The following EPHA6 variants were observed in gnomAD, a reference collection of about 807,000 sequenced individuals.
EPHA6 encodes EPH receptor A6.
A neutral mutation model predicts 112.0 loss-of-function variants in EPHA6; 50 were observed. That is an observed-to-expected ratio of 0.45 (90% confidence interval 0.36 to 0.56). The LOEUF is 0.56. Ranked by LOEUF, EPHA6 falls within the 20% of genes least tolerant of loss-of-function variation. EPHA6 has a pLI of 0.00. For synonymous variants in EPHA6, 529 were observed against 490.7 expected (o/e 1.08, Z -1.03); for missense variants, 1,280 against 1,417.4 (o/e 0.90, Z 1.56).
chr3:96,848,671 T>C (rs1387005162), intron 1 of EPHA6, among the ~76,000 whole-genome samples: 1 of 152,124 alleles, frequency 6.6e-6, no homozygotes, highest in Non-Finnish European at 1.5e-5. Flanking sequence ...ATTTGAAAAT[T>C]TGATTATATA....
chr3:97,550,884 G>C lies in EPHA6; in HGVS notation c.2386+18341G>C, dbSNP rs549092262. Among the ~76,000 whole-genome samples, 7 of 151,666 alleles carry C rather than the reference G, an allele frequency of 4.6e-5. No individual in the cohort carries two copies. In the South Asian group the frequency reaches 1.3e-3, roughly 27 times the overall value. On this transcript the variant is annotated intron_variant, in intron 11 of 17. Coordinates refer to ENST00000389672, the MANE Select transcript of EPHA6 (RefSeq NM_001080448.3). ...CAATAAAAGACAAAAAGGAAGGAAAGGAGAGGAAAAGAGTGAAAAGAAAGG... is the reference window on the plus strand; with the variant it reads ...CAATAAAAGACAAAAAGGAAGGAAACGAGAGGAAAAGAGTGAAAAGAAAGG...
intron 13 of EPHA6, among the ~76,000 whole-genome samples, chr3:97,620,937 C>T (rs1046959127): frequency 5.3e-5 from 8 of 151,968 alleles, no homozygotes; most frequent in Admixed American, 1.3e-4. Flanking sequence ...GAATAGAAAT[C>T]GTTCTATTAT....
chr3:97,535,049 GACAC>G (rs3033947), intron 11 of EPHA6, among the ~76,000 whole-genome samples: 15 of 150,164 alleles, frequency 1.0e-4, no homozygotes, highest in Middle Eastern at 3.4e-3. Context: ...CTCAATCACA[GACAC>G]ACACACACAC....
chr3:97,018,744 G>A (rs566517307), intron 3 of EPHA6, among the ~76,000 whole-genome samples: 1 of 152,198 alleles, frequency 6.6e-6, no homozygotes, highest in Non-Finnish European at 1.5e-5. Context: ...CCGCAAGCGA[G>A]CTTGACTAAT....
intron 5 of EPHA6, among the ~76,000 whole-genome samples, chr3:97,357,957 C>T (rs2084169655): frequency 6.6e-6 from 1 of 152,068 alleles, no homozygotes; most frequent in South Asian, 2.1e-4. Context: ...GATGGTCTTG[C>T]TGTCTTAGGC....
chr3:96,891,260 GA>G (rs201239387), intron 2 of EPHA6, among the ~76,000 whole-genome samples: 4 of 151,696 alleles, frequency 2.6e-5, no homozygotes, highest in South Asian at 2.1e-4. Context: ...CAAAGAAACT[GA>G]AAAAAAATCT....
At chr3:97,390,377 C>T (rs767595073) in intron 5 of EPHA6, among the ~76,000 whole-genome samples, 10 of 151,918 alleles carry the variant, frequency 6.6e-5, no homozygotes, top group South Asian at 6.2e-4. Context: ...AGTATGAGCA[C>T]GTTCTCCCTT....
chr3:97,344,151 A>T (rs2083435734), intron 5 of EPHA6, among the ~76,000 whole-genome samples: 1 of 152,082 alleles, frequency 6.6e-6, no homozygotes, highest in South Asian at 2.1e-4. Flanking sequence ...TCTGATTTAG[A>T]TGATATTTAA....
At chr3:97,655,782 G>A (rs1402391641) in intron 14 of EPHA6, among the ~76,000 whole-genome samples, 2 of 150,520 alleles carry the variant, frequency 1.3e-5, no homozygotes, top group Non-Finnish European at 3.0e-5. Flanking sequence ...GGGAGGGATA[G>A]CATTAGGAGA....
At chr3:97,349,380 T>C (rs1419338163) in intron 5 of EPHA6, among the ~76,000 whole-genome samples, 1 of 152,042 alleles carries the variant, frequency 6.6e-6, no homozygotes, top group African/African-American at 2.4e-5. Flanking sequence ...CAATCACCCA[T>C]ATACTTATGT....
chr3:97,634,386 T>G (rs2093928373), intron 13 of EPHA6, among the ~76,000 whole-genome samples: 1 of 151,774 alleles, frequency 6.6e-6, no homozygotes, highest in Admixed American at 6.6e-5. Context: ...TTTCTTTTCG[T>G]CAAGCCCACA....
chr3:97,122,121 T>C (rs1324531326), intron 3 of EPHA6, among the ~76,000 whole-genome samples: 1 of 152,094 alleles, frequency 6.6e-6, no homozygotes, highest in Non-Finnish European at 1.5e-5. Context: ...TTTGATAATA[T>C]TAGATTTTGT....
chr3:97,384,652 A>G (rs1392494925), intron 5 of EPHA6, among the ~76,000 whole-genome samples: 2 of 152,164 alleles, frequency 1.3e-5, no homozygotes, highest in Non-Finnish European at 2.9e-5. Flanking sequence ...TTAATCTAAT[A>G]TTTTTTCCCA....
At chr3:97,558,570 A>G (rs1393226233) in intron 11 of EPHA6, among the ~76,000 whole-genome samples, 1 of 151,958 alleles carries the variant, frequency 6.6e-6, no homozygotes, top group Non-Finnish European at 1.5e-5. Context: ...CCTTCTACAT[A>G]TATAATTGTC....
intron 7 of EPHA6, among the ~76,000 whole-genome samples, chr3:97,450,241 C>T (rs1009842880): frequency 6.6e-6 from 1 of 151,756 alleles, no homozygotes; most frequent in East Asian, 1.9e-4. Context: ...CTTTTTTTCC[C>T]CTGCCCGCTT....
intron 2 of EPHA6, among the ~76,000 whole-genome samples, chr3:96,940,175 C>CATT (rs1228927777): frequency 2.0e-5 from 3 of 151,460 alleles, no homozygotes; most frequent in Admixed American, 6.6e-5. Context: ...CTTTCTGTCT[C>CATT]GATCTGTCTA....
chr3:97,342,689 C>T (rs2083368012), intron 5 of EPHA6, among the ~76,000 whole-genome samples: 1 of 152,042 alleles, frequency 6.6e-6, no homozygotes. Context: ...AGTTTGTCTC[C>T]TTGCCCTCTC....
intron 5 of EPHA6, among the ~76,000 whole-genome samples, chr3:97,391,248 G>A (rs1164099618): frequency 6.6e-6 from 1 of 151,852 alleles, no homozygotes; most frequent in Non-Finnish European, 1.5e-5. Flanking sequence ...AAAGTTCAGA[G>A]GGCATGACAA....
intron 3 of EPHA6, among the ~76,000 whole-genome samples, chr3:97,223,449 C>T (rs140722483): frequency 2.6e-4 from 39 of 152,216 alleles, no homozygotes; most frequent in Non-Finnish European, 4.7e-4. Context: ...TTAAAAAAAG[C>T]CCTGTTGTGG....
Sources: allele counts gnomAD v4.1 joint callset (sites outside exome capture counted in the v4.1 genomes callset), GRCh38; gene constraint gnomAD v4.1.1; transcripts MANE v1.5; gene names NCBI Gene and HGNC (gene_info 2026-07-23, HGNC 2026-07-21).